PCDHGA6: variants seen among roughly 807,000 people sequenced by gnomAD.
The protein encoded by PCDHGA6 is protocadherin gamma-A6.
Under a neutral mutation model 60.6 loss-of-function variants are expected in PCDHGA6, and 41 were observed. The observed-to-expected ratio is 0.68, with a 90% CI of 0.53 to 0.88. PCDHGA6 has a LOEUF of 0.88. PCDHGA6 is among the 40% of genes least tolerant of loss of function. The probability of loss-of-function intolerance (pLI) is 0.00; values close to 1 mark genes in which losing one functional copy is unlikely to be tolerated. For missense variants in PCDHGA6, 1,312 were observed against 1,203.0 expected, an observed-to-expected ratio of 1.09 and a Z score of -1.34; for synonymous variants, 594 against 524.4, an observed-to-expected ratio of 1.13 and a Z score of -1.81.
chr5:141,415,920 G>T, intron 1 of PCDHGA6: 1 of 692,798 alleles, frequency 1.4e-6, no homozygotes, highest in Non-Finnish European at 2.0e-6. Context: ...AGAAGTGCCT[G>T]TCAATTTATA....
Position 141,486,335 on chromosome 5 carries a change from C to T in PCDHGA6, c.2425-8472C>T, listed in dbSNP as rs762408704. ...AGGGTCAAACGGAGATGTGAGCCTC[C>T]GCATTCCTGACCACTTGCCATTTGC... On this transcript the variant is annotated intron_variant, in intron 1 of 3. Transcript: ENST00000517434. The surrounding 1 kb of genome is among the most constrained non-coding windows in gnomAD (Gnocchi z 5.0). 6.2e-6 allele frequency: 10 copies of T among 1,613,936 alleles called. No individual in the cohort carries two copies. Among genetic ancestry groups the T allele is most frequent in the Middle Eastern group, 1.6e-4 (1 of 6,082 alleles).
chr5:141,389,058 A>G, intron 1 of PCDHGA6: 2 of 1,614,020 alleles, frequency 1.2e-6, no homozygotes, highest in Non-Finnish European at 1.7e-6. Flanking sequence ...TCCATTTAAA[A>G]TATTAACTTC....
chr5:141,379,251 C>T (rs569528172), intron 1 of PCDHGA6: 1 of 152,224 alleles, frequency 6.6e-6, no homozygotes, highest in African/African-American at 2.4e-5. Flanking sequence ...GTGGTATTTA[C>T]ATTTAAGGAA....
rs1481151067 is a variant in PCDHGA6, at chr5:141,477,223, T to A, written c.2425-17584T>A. On this transcript the variant is annotated intron_variant, in intron 1 of 3. Transcript: ENST00000517434. This position sits in a 1 kb window ranked among gnomAD's most constrained non-coding sequence, Gnocchi z 4.9. ...TACCCGAGGATGCCCCTCTGGGGAC[T>A]GTCATCGCTTTGCTCAGTGTGACTG... The A allele has an allele frequency of 6.2e-7, 1 of 1,614,198 alleles. No individual in the cohort carries two copies. The highest frequency in any genetic ancestry group is 1.1e-5 in the South Asian group (1 of 91,084).
intron 1 of PCDHGA6, among the ~76,000 whole-genome samples, chr5:141,481,743 G>C (rs1257734207): frequency 1.3e-5 from 2 of 152,096 alleles, no homozygotes; most frequent in Non-Finnish European, 2.9e-5. Context: ...CACGAGGTCA[G>C]GAGTCCAAGA....
chr5:141,409,033 A>T, intron 1 of PCDHGA6: 1 of 1,614,028 alleles, frequency 6.2e-7, no homozygotes, highest in Non-Finnish European at 8.5e-7. Context: ...ATGCTGAGAT[A>T]AACTACTACT....
intron 1 of PCDHGA6, chr5:141,403,784 G>C: frequency 1.9e-6 from 3 of 1,613,906 alleles, no homozygotes; most frequent in East Asian, 2.2e-5. Context: ...CGGAAAAGTG[G>C]CATACAAATT....
At chr5:141,504,303 G>A (rs1157625808) in intron 2 of PCDHGA6, among the ~76,000 whole-genome samples, 4 of 151,938 alleles carry the variant, frequency 2.6e-5, no homozygotes, top group Admixed American at 2.6e-4. Context: ...TTCAACACTC[G>A]GAGTTTCTAA....
intron 1 of PCDHGA6, chr5:141,388,302 C>G: frequency 6.2e-7 from 1 of 1,613,700 alleles, no homozygotes; most frequent in Non-Finnish European, 8.5e-7. Context: ...TTCCTTTGAG[C>G]TGCAAATAAG....
intron 1 of PCDHGA6, chr5:141,385,450 CA>C (rs1781205135): frequency 4.1e-6 from 6 of 1,446,726 alleles, no homozygotes; most frequent in Admixed American, 5.7e-5. Context: ...ATGAGTTTAC[CA>C]GTTTCCTTCA....
chr5:141,482,609 A>G (rs2099569274), intron 1 of PCDHGA6, among the ~76,000 whole-genome samples: 1 of 151,770 alleles, frequency 6.6e-6, no homozygotes, highest in African/African-American at 2.4e-5. Context: ...AAACACCTAA[A>G]TGAGCCTGGA....
rs374200575 is a variant in PCDHGA6, at chr5:141,432,105, C to T, written c.2424+55598C>T. On this transcript the variant is annotated intron_variant, in intron 1 of 3. Transcript: ENST00000517434. The surrounding 1 kb of genome is among the most constrained non-coding windows in gnomAD (Gnocchi z 6.0). ...AACGTGGCAGACACCAACGACAACC[C>T]GCCGGTCTTCCCTCAGGCCTCCTAT... 1.9e-6 allele frequency: 3 copies of T among 1,614,172 alleles called. No homozygotes were observed. Among genetic ancestry groups the T allele is most frequent in the Admixed American group, 3.3e-5 (2 of 60,032 alleles).
intron 1 of PCDHGA6, among the ~76,000 whole-genome samples, chr5:141,406,983 A>G (rs997882236): frequency 6.6e-6 from 1 of 152,250 alleles, no homozygotes; most frequent in Non-Finnish European, 1.5e-5. Context: ...AACATTTCAC[A>G]AGACATTTGA....
Position 141,374,218 on chromosome 5 carries a change from A to C in PCDHGA6, c.135A>C (p.Val45=). 1 of 1,613,952 alleles carries C rather than the reference A, an allele frequency of 6.2e-7. No homozygotes were observed. The highest frequency in any genetic ancestry group is 8.5e-7 in the Non-Finnish European group (1 of 1,179,878). The change falls in exon 1 of 4, where the codon GTA becomes GTC. Residue 45 remains valine (V), a synonymous_variant. Transcript: ENST00000517434. ...AGGAGCTGGAGAAAGGCTCCTTCGTAGGCAACATCGTCAAGGATCTGGGAC... is the reference window on the plus strand; with the variant it reads ...AGGAGCTGGAGAAAGGCTCCTTCGTCGGCAACATCGTCAAGGATCTGGGAC... ...IPEELEKGSF[V]GNIVKDLGLE... is the part of the protein sequence containing the mutation.
chr5:141,403,663 T>C (rs2094439679), intron 1 of PCDHGA6: 3 of 1,613,900 alleles, frequency 1.9e-6, no homozygotes, highest in African/African-American at 1.3e-5. Flanking sequence ...ATACAAATGA[T>C]AATGCCCCGG....
intron 1 of PCDHGA6, chr5:141,400,564 C>G (rs532914635): frequency 1.9e-6 from 3 of 1,612,936 alleles, no homozygotes; most frequent in Admixed American, 1.7e-5. Flanking sequence ...ATTACCCACC[C>G]AATTTTCTGT....
At chr5:141,464,604 G>A (rs1445968596) in intron 1 of PCDHGA6, among the ~76,000 whole-genome samples, 1 of 152,106 alleles carries the variant, frequency 6.6e-6, no homozygotes, top group East Asian at 1.9e-4. Context: ...AGTCTCCTTT[G>A]CAGAGTATAT....
At chr5:141,494,363 T>C (rs1264801258) in intron 1 of PCDHGA6, among the ~76,000 whole-genome samples, 1 of 152,206 alleles carries the variant, frequency 6.6e-6, no homozygotes, top group Non-Finnish European at 1.5e-5. Context: ...CTGCAGAGGA[T>C]GCTTTGTTCC....
At position 141,422,099 on chromosome 5, in the gene PCDHGA6, A is replaced by G. The variant is rs374091819; in HGVS notation, c.2424+45592A>G. ...CGGAACATGGAAAGCAAGGCTTCTG[A>G]AATATTCCAATTGGATTCACAAACT... On this transcript the variant is annotated intron_variant, in intron 1 of 3. Transcript: ENST00000517434. 1.9e-6 allele frequency: 3 copies of G among 1,609,706 alleles called. No homozygotes were observed. The African/African-American group carries it at 4.0e-5, about 22-fold the overall frequency.
Sources: gnomAD v4.1 joint callset for allele counts (sites outside exome capture counted in the v4.1 genomes callset) on GRCh38, gnomAD v4.1.1 for gene constraint, Gnocchi (gnomAD v3.1) non-coding constraint, MANE v1.5 for transcripts, NCBI Gene and HGNC (gene_info 2026-07-23, HGNC 2026-07-21) for gene names.